Variants in UPF3B observed in about 807,000 individuals in gnomAD.
UPF3B encodes the protein UPF3B regulator of nonsense mediated mRNA decay.
A neutral mutation model predicts 40.3 loss-of-function variants in UPF3B; 7 were observed. That is an observed-to-expected ratio of 0.17 (90% CI 0.10 to 0.33). The LOEUF is 0.33. UPF3B is among the 10% of genes least tolerant of loss of function. UPF3B has a pLI of 1.00. For synonymous variants in UPF3B, 117 were observed against 117.3 expected (o/e 1.00, Z 0.01); for missense variants, 229 against 358.9 (o/e 0.64, Z 2.93).
chrX:119,829,919 A>G (rs1172614892), downstream of UPF3B, among the ~76,000 whole-genome samples: 3 of 111,646 alleles, frequency 2.7e-5, no homozygotes, highest in African/African-American at 6.5e-5. Flanking sequence ...GCCAAATCCA[A>G]TGAACACTTC....
chrX:119,834,613 T>C lies in UPF3B; in HGVS notation c.*265A>G. On this transcript the variant is annotated 3_prime_UTR_variant, in exon 11 of 11. Transcript: ENST00000276201. Reference sequence around the variant, plus strand: ...CTCACTTGACAATTCCCCCTGCAAATTGCAATGCATGTCCTTGCCGTCACC... The same window carrying C: ...CTCACTTGACAATTCCCCCTGCAAACTGCAATGCATGTCCTTGCCGTCACC... 2.9e-6 allele frequency: 3 copies of C among 1,025,565 alleles called. No homozygotes were observed. Among genetic ancestry groups the C allele is most frequent in the Non-Finnish European group, 3.7e-6 (3 of 805,018 alleles). 84.5% of individuals were successfully genotyped at this position (1,025,565 alleles called of 1,213,427 possible).
chrX:119,820,626 A>ATTTTTTTTTT lies in UPF3B; in HGVS notation c.494+2306_494+2315dup, dbSNP rs370271993. Among the ~76,000 whole-genome samples, 735 of 90,098 alleles carry ATTTTTTTTTT rather than the reference A, an allele frequency of 8.2e-3. 20 individuals are homozygous for ATTTTTTTTTT. The highest frequency in any genetic ancestry group is 0.03 in the African/African-American group (691 of 23,182). 78.2% of individuals were successfully genotyped at this position (90,098 alleles called of 115,157 possible). On this transcript the variant is annotated intron_variant, in intron 4 of 6. Transcript: ENST00000636792. ...AGGTGCGCTCCACCAAGCCTGGCCAATTTTTTTTTTTTTGTATTTTTTGGT... is the reference window on the plus strand; with the variant it reads ...AGGTGCGCTCCACCAAGCCTGGCCAATTTTTTTTTTTTTTTTTTTTTTTGTATTTTTTGGT...
intron 6 of UPF3B, 132 bp from the exon 7 acceptor site, chrX:119,841,390 C>T (rs2056159683): frequency 9.7e-7 from 1 of 1,032,727 alleles, no homozygotes; most frequent in Non-Finnish European, 1.3e-6. Context: ...CATTCTACCA[C>T]CGTTATCCCC....
chrX:119,821,749 G>A (rs2055921721), intron 4 of UPF3B, among the ~76,000 whole-genome samples: 1 of 109,438 alleles, frequency 9.1e-6, no homozygotes, highest in South Asian at 3.9e-4. Context: ...AGTGAGCCGA[G>A]ATTGTGCCAC....
intron 3 of UPF3B, among the ~76,000 whole-genome samples, chrX:119,848,452 T>C (rs1408730081): frequency 9.0e-6 from 1 of 110,897 alleles, no homozygotes; most frequent in Non-Finnish European, 1.9e-5. Flanking sequence ...ATAATGGTGG[T>C]TGCCAGGGGC....
chrX:119,813,585 G>C (rs909152117), intron 5 of UPF3B, among the ~76,000 whole-genome samples: 3 of 91,444 alleles, frequency 3.3e-5, no homozygotes, highest in African/African-American at 1.2e-4. Context: ...TTTTTGAGAT[G>C]GAGTCTCGCT....
chrX:119,837,025 C>A (rs2056103217), intron 10 of UPF3B, among the ~76,000 whole-genome samples: 2 of 105,121 alleles, frequency 1.9e-5, no homozygotes, highest in South Asian at 8.9e-4. Flanking sequence ...CTCACCTCAA[C>A]CTCCACCTCC....
chrX:119,852,468 C>T (rs1032054426), intron 1 of UPF3B, among the ~76,000 whole-genome samples: 12 of 111,917 alleles, frequency 1.1e-4, no homozygotes, highest in Non-Finnish European at 7.5e-5. Flanking sequence ...TATTTCTCCC[C>T]AATTACACCT....
At chrX:119,807,668 A>G (rs1406402710) in intron 5 of UPF3B, 2 of 487,544 alleles carry the variant, frequency 4.1e-6, no homozygotes, top group East Asian at 3.6e-4. Flanking sequence ...ATATATTAAT[A>G]TATACTAAAG....
At chrX:119,839,607 AG>A (rs1874165633) in intron 8 of UPF3B, among the ~76,000 whole-genome samples, 1 of 112,213 alleles carries the variant, frequency 8.9e-6, no homozygotes, top group Non-Finnish European at 1.9e-5. Context: ...GGTTCATCTC[AG>A]GGTGAAGGCA....
At chrX:119,837,266 A>G (rs1420648139) in intron 10 of UPF3B, among the ~76,000 whole-genome samples, 4 of 109,102 alleles carry the variant, frequency 3.7e-5, no homozygotes, top group African/African-American at 6.7e-5. Flanking sequence ...TCTCTATTCT[A>G]CTTTTGTGTA....
At chrX:119,847,751 A>C (rs980917051) in intron 3 of UPF3B, among the ~76,000 whole-genome samples, 1 of 109,697 alleles carries the variant, frequency 9.1e-6, no homozygotes, top group South Asian at 4.0e-4. Flanking sequence ...TGTGTGACAG[A>C]GACTCTGTCT....
intron 1 of UPF3B, 37 bp downstream of exon 1, chrX:119,852,736 G>C: frequency 8.3e-7 from 1 of 1,211,473 alleles, no homozygotes; most frequent in Non-Finnish European, 1.1e-6. Flanking sequence ...CTGCGGACTC[G>C]TCCCGCCCTC....
At chrX:119,847,711 G>C (rs191868899) in intron 3 of UPF3B, among the ~76,000 whole-genome samples, 1 of 110,319 alleles carries the variant, frequency 9.1e-6, no homozygotes, top group African/African-American at 3.3e-5. Context: ...AGGTTGCAGT[G>C]AGCCAAGATC....
chrX:119,807,053 A>AAAG (rs2055798709), intron 6 of UPF3B, among the ~76,000 whole-genome samples: 1 of 80,039 alleles, frequency 1.2e-5, no homozygotes, highest in African/African-American at 7.1e-5. Context: ...AAAAAAAAAG[A>AAAG]AAAAAAAAAA....
intron 5 of UPF3B, among the ~76,000 whole-genome samples, chrX:119,811,141 C>T (rs1242299668): frequency 6.4e-5 from 7 of 109,819 alleles, no homozygotes; most frequent in Admixed American, 1.9e-4. Flanking sequence ...CGGGTTCAAG[C>T]GATTCTCCTG....
At chrX:119,842,578 T>TCACACACA in intron 5 of UPF3B, among the ~76,000 whole-genome samples, 1 of 62,066 alleles carries the variant, frequency 1.6e-5, no homozygotes, top group African/African-American at 1.0e-4. Flanking sequence ...AGACTCCATC[T>TCACACACA]CTCACACACA....
At chrX:119,842,202 T>C (rs1398054240) in intron 5 of UPF3B, among the ~76,000 whole-genome samples, 1 of 111,564 alleles carries the variant, frequency 9.0e-6, no homozygotes, top group African/African-American at 3.3e-5. Context: ...GCTTGTACTA[T>C]CCATCTATTA....
intron 3 of UPF3B, among the ~76,000 whole-genome samples, chrX:119,823,558 C>CTTTTTTTTT (rs1193140140): frequency 5.0e-5 from 1 of 20,064 alleles, no homozygotes. Context: ...TTTTTTTCCT[C>CTTTTTTTTT]TTTTTTTTTT....
Sources: gnomAD v4.1 joint callset for allele counts (sites outside exome capture counted in the v4.1 genomes callset) on GRCh38, gnomAD v4.1.1 for gene constraint, MANE v1.5 for transcripts, NCBI Gene and HGNC (gene_info 2026-07-23, HGNC 2026-07-21) for gene names.